The following NR1D2 variants were observed in gnomAD, a reference collection of about 807,000 sequenced individuals.
NR1D2 encodes the protein V-erbA-related protein 1-related.
NR1D2 carries 25 observed loss-of-function variants against 52.2 expected under a neutral mutation model. The ratio of observed to expected loss-of-function variants is 0.48; its 90% CI spans 0.35 to 0.67. The LOEUF is 0.67. Ranked by LOEUF, NR1D2 falls within the 30% of genes least tolerant of loss-of-function variation. NR1D2 has a pLI of 0.01. For missense variants in NR1D2, 681 were observed against 707.2 expected, an observed-to-expected ratio of 0.96 and a Z score of 0.42; for synonymous variants, 259 against 230.1, an observed-to-expected ratio of 1.13 and a Z score of -1.14.
At chr3:23,950,072 C>G (rs979232798) in intron 1 of NR1D2, among the ~76,000 whole-genome samples, 2 of 152,190 alleles carry the variant, frequency 1.3e-5, no homozygotes, top group East Asian at 1.9e-4. Flanking sequence ...GAGGTACATA[C>G]TGCCTGTTTC....
intron 1 of NR1D2, chr3:23,946,442 G>A: frequency 3.3e-6 from 1 of 303,708 alleles, no homozygotes; most frequent in Non-Finnish European, 4.8e-6. Context: ...GAGGTGCTTC[G>A]ATCCCGAGCG....
At chr3:23,949,374 AAC>A (rs1022180003) in intron 1 of NR1D2, among the ~76,000 whole-genome samples, 6 of 151,788 alleles carry the variant, frequency 4.0e-5, no homozygotes, top group African/African-American at 1.4e-4. Context: ...GAAAAAAAAA[AAC>A]AACAAAAAAC....
intron 7 of NR1D2, among the ~76,000 whole-genome samples, chr3:23,974,440 CT>C (rs1706673645): frequency 6.6e-6 from 1 of 152,086 alleles, no homozygotes; most frequent in South Asian, 2.1e-4. Flanking sequence ...TGGGACCACC[CT>C]TTTATATGTG....
chr3:23,975,218 A>G (rs1706691181), intron 7 of NR1D2, among the ~76,000 whole-genome samples: 1 of 152,040 alleles, frequency 6.6e-6, no homozygotes, highest in Non-Finnish European at 1.5e-5. Flanking sequence ...CCTGGGTTTA[A>G]GTGATCCTCC....
intron 1 of NR1D2, among the ~76,000 whole-genome samples, 163 bp downstream of exon 1, chr3:23,945,757 G>T (rs1344547979): frequency 6.7e-6 from 1 of 150,196 alleles, no homozygotes; most frequent in African/African-American, 2.4e-5. Context: ...ATCGCCCCCC[G>T]GGCCGCCCGG....
At chr3:23,964,554 A>G (rs1706388033) in intron 5 of NR1D2, among the ~76,000 whole-genome samples, 1 of 152,228 alleles carries the variant, frequency 6.6e-6, no homozygotes, top group South Asian at 2.1e-4. Context: ...TAAACCTCTC[A>G]GAGTCTCATT....
At chr3:23,963,254 CA>C in intron 5 of NR1D2, 1 of 1,351,440 alleles carries the variant, frequency 7.4e-7, no homozygotes, top group Non-Finnish European at 9.8e-7. Flanking sequence ...AAAATTTCAC[CA>C]AAAACAGCAG....
chr3:23,964,836 G>C, intron 5 of NR1D2, 141 bp from the exon 6 acceptor site: 1 of 580,642 alleles, frequency 1.7e-6, no homozygotes, highest in South Asian at 2.4e-5. Context: ...GCAAATGGAT[G>C]AAGTGCTAAT....
rs938754711 is a variant in NR1D2 at position 23,978,315 on chromosome 3, CAA to C, written c.*897_*898del. ...ACTTTATCATACAGGAAACTTAAAA[CAA>C]GAGGTGTCAAAAGACCCAAATTAGG... On this transcript the variant is annotated 3_prime_UTR_variant, in exon 8 of 8. Transcript: ENST00000312521. The C allele has an allele frequency of 2.2e-4, 34 of 152,144 alleles. No homozygotes were observed. The highest frequency in any genetic ancestry group is 1.0e-3 in the South Asian group (5 of 4,822). The allele number at this position is 152,144 out of a possible 1,614,324, so 9.4% of individuals were successfully genotyped here.
chr3:23,970,127 A>G (rs1706547825), intron 7 of NR1D2, among the ~76,000 whole-genome samples: 1 of 152,208 alleles, frequency 6.6e-6, no homozygotes, highest in Admixed American at 6.5e-5. Flanking sequence ...GTGATGTTTA[A>G]CATTAATTCT....
intron 1 of NR1D2, among the ~76,000 whole-genome samples, chr3:23,953,472 C>T (rs1296190681): frequency 6.7e-6 from 1 of 150,170 alleles, no homozygotes; most frequent in African/African-American, 2.5e-5. Context: ...TACTGTTATT[C>T]TGGTATAGCA....
intron 3 of NR1D2, among the ~76,000 whole-genome samples, chr3:23,958,593 T>C (rs1167384328): frequency 6.0e-5 from 9 of 149,124 alleles, no homozygotes; most frequent in East Asian, 2.0e-4. Context: ...TGAGCTATTA[T>C]TACGTCATTG....
At chr3:23,968,186 G>A (rs143411746) in intron 7 of NR1D2, among the ~76,000 whole-genome samples, 163 bp downstream of exon 7, 8 of 152,232 alleles carry the variant, frequency 5.3e-5, no homozygotes, top group Non-Finnish European at 1.0e-4. Context: ...TAATTTTTTC[G>A]TTATAACAAT....
At chr3:23,964,863 C>T in intron 5 of NR1D2, 114 bp from the exon 6 acceptor site, 1 of 689,798 alleles carries the variant, frequency 1.4e-6, no homozygotes, top group Non-Finnish European at 2.4e-6. Context: ...GTAGATTTTA[C>T]TTGTGTTTTG....
At position 23,965,102 on chromosome 3, in the gene NR1D2, T is replaced by A. The variant is rs772169663; in HGVS notation, c.1272T>A (p.Pro424=). ...KEVVEFAKRI[P]GFRDLSQHDQ... is the part of the protein sequence containing the mutation. ...TGGTGGAATTTGCAAAGCGTATTCC[T>A]GGGTTCAGAGATCTCTCTCAGCATG... The change falls in exon 6 of 8, where the codon CCT becomes CCA. Residue 424 remains proline, a synonymous_variant. Transcript: ENST00000312521. The A allele has an allele frequency of 1.9e-6, 3 of 1,614,032 alleles. No homozygotes were observed. The highest frequency in any genetic ancestry group is 2.5e-6 in the Non-Finnish European group (3 of 1,180,004).
At chr3:23,959,647 A>T in intron 3 of NR1D2, 24 bp from the exon 4 acceptor site, 10 of 1,602,176 alleles carry the variant, frequency 6.2e-6, no homozygotes, top group Non-Finnish European at 8.5e-6. Context: ...TTAAATGGGT[A>T]AGTAAATCTT....
Position 23,962,073 on chromosome 3 carries a change from G to T in NR1D2, c.614G>T (p.Gly205Val). Residue 205 changes from glycine to valine, a missense_variant, in exon 5 of 8, where the codon GGT (glycine) becomes GTT (valine). Around this residue, in one of 3 missense-constraint regions of NR1D2, gnomAD observed 475 missense variants for 454.5 expected, o/e 1.05. Transcript: ENST00000312521. ...ACCATGATGAACAGCCAGTTCAGTG[G>T]TCACTTGCAAAATGACACATTAGTA... ...MKTMMNSQFS[G>V]HLQNDTLVEH... is the part of the protein sequence containing the mutation. The T allele has an allele frequency of 6.2e-7, 1 of 1,614,116 alleles. No individual in the cohort carries two copies.
At position 23,945,675 on chromosome 3, in the gene NR1D2, G is replaced by C. The variant is rs1435146354; in HGVS notation, c.16+81G>C. 6.2e-6 allele frequency: 6 copies of C among 961,328 alleles called. No homozygotes were observed. The East Asian group carries it at 2.1e-4, about 34-fold the overall frequency. 59.5% of individuals were successfully genotyped at this position (961,328 alleles called of 1,614,324 possible). A position where few individuals can be genotyped will look rare whatever the true frequency, so the allele number is the denominator to read the frequency against. ...CGGGGCACTTTGGGGGGCGGCGGCA[G>C]GGGGTGTCCCCATGGCCGGTGGGGC... On this transcript the variant is annotated intron_variant, in intron 1 of 7. Transcript: ENST00000312521.
At chr3:23,956,155 C>G in intron 3 of NR1D2, 30 bp downstream of exon 3, 2 of 1,545,410 alleles carry the variant, frequency 1.3e-6, no homozygotes, top group Admixed American at 1.7e-5. Context: ...CTTTAAGCTA[C>G]TGATTCTGGG....
Sources: allele counts gnomAD v4.1 joint callset (sites outside exome capture counted in the v4.1 genomes callset), GRCh38; gene constraint gnomAD v4.1.1; regional missense constraint gnomAD v4.1.1; transcripts MANE v1.5; gene names NCBI Gene and HGNC (gene_info 2026-07-23, HGNC 2026-07-21).